API5: variants seen among roughly 807,000 people sequenced by gnomAD.
The protein encoded by API5 is FIF.
API5 carries 6 observed loss-of-function variants against 71.9 expected under a neutral mutation model. The observed-to-expected ratio is 0.08, with a 90% confidence interval of 0.05 to 0.16. API5 has a LOEUF of 0.16. API5 is among the 10% of genes least tolerant of loss of function. API5 has a pLI of 1.00. For synonymous variants in API5, 189 were observed against 221.3 expected, an observed-to-expected ratio of 0.85 and a Z score of 1.30; for missense variants, 332 against 612.8, an observed-to-expected ratio of 0.54 and a Z score of 4.84.
At chr11:43,323,686 A>G (rs777980032) in intron 6 of API5, 50 bp downstream of exon 6, 3 of 1,536,854 alleles carry the variant, frequency 2.0e-6, no homozygotes, top group South Asian at 1.1e-5. Context: ...ATATATTTCC[A>G]TAAATACTCA....
rs376330755 is a variant in API5 at position 43,340,538 on chromosome 11, C to A, written c.1493-1890C>A. ...CACTACCAGATCTCAAAATATAAAT[C>A]AAAAATGTAGTAACCAAAACAGCCT... On this transcript the variant is annotated intron_variant, in intron 13 of 13. Coordinates refer to ENST00000531273, the MANE Select transcript of API5 (RefSeq NM_001142930.2). Among the ~76,000 whole-genome samples the A allele has an allele frequency of 6.4e-4, 98 of 152,092 alleles. No individual in the cohort carries two copies. The South Asian group carries it at 0.015, about 23-fold the overall frequency.
At chr11:43,335,409 C>T in intron 12 of API5, 55 bp downstream of exon 12, 1 of 1,016,266 alleles carries the variant, frequency 9.8e-7, no homozygotes, top group Admixed American at 1.9e-5. Flanking sequence ...ATACGAGTTA[C>T]ATTTACTGTT....
At chr11:43,322,805 A>G (rs1854939558) in intron 5 of API5, among the ~76,000 whole-genome samples, 1 of 152,210 alleles carries the variant, frequency 6.6e-6, no homozygotes, top group African/African-American at 2.4e-5. Flanking sequence ...TTTCAGTGAG[A>G]AAAAAGTAGA....
chr11:43,315,268 C>G (rs1355134425), intron 1 of API5, among the ~76,000 whole-genome samples: 3 of 152,176 alleles, frequency 2.0e-5, no homozygotes, highest in African/African-American at 7.2e-5. Flanking sequence ...CAAAGCAGAT[C>G]AAATCCTCTT....
rs769164825 is a variant in API5 at position 43,336,001 on chromosome 11, G to A, written c.1492+7G>A. ...TTGGGCAACTTTAATTATGGTGAGC[G>A]TTTCCGTTTGGGTACAAGGAATATG... On this transcript the variant is annotated splice_region_variant and intron_variant, in intron 13 of 13. Transcript: ENST00000531273. 1.2e-5 allele frequency: 19 copies of A among 1,613,030 alleles called. No homozygotes were observed. The highest frequency in any genetic ancestry group is 4.5e-5 in the East Asian group (2 of 44,866).
chr11:43,335,379 T>G (rs764637484), intron 12 of API5, 25 bp downstream of exon 12: 1 of 1,445,804 alleles, frequency 6.9e-7, no homozygotes, highest in Non-Finnish European at 9.7e-7. Flanking sequence ...TAAAAGAGAT[T>G]TAAGTGTTAT....
intron 13 of API5, 71 bp downstream of exon 13, chr11:43,336,065 T>G: frequency 6.5e-7 from 1 of 1,545,978 alleles, no homozygotes; most frequent in Non-Finnish European, 8.8e-7. Context: ...TTATTTTAAT[T>G]AGTAATTATA....
intron 2 of API5, among the ~76,000 whole-genome samples, chr11:43,319,149 A>C (rs1183521095): frequency 6.6e-6 from 1 of 152,196 alleles, no homozygotes. Context: ...GGATATTTAA[A>C]TTATTAAGTG....
intron 8 of API5, 54 bp downstream of exon 8, chr11:43,327,932 A>C (rs1352483660): frequency 9.4e-7 from 1 of 1,061,632 alleles, no homozygotes; most frequent in African/African-American, 1.6e-5. Flanking sequence ...TCAAAGTCTA[A>C]TTTATTATTA....
At chr11:43,320,727 T>A in intron 2 of API5, 94 bp from the exon 3 acceptor site, 1 of 1,102,900 alleles carries the variant, frequency 9.1e-7, no homozygotes, top group South Asian at 1.4e-5. Context: ...CAATACCTTG[T>A]CTTTAAAAAA....
chr11:43,326,456 T>A (rs1211984179), intron 6 of API5, 51 bp from the exon 7 acceptor site: 1 of 1,137,854 alleles, frequency 8.8e-7, no homozygotes, highest in African/African-American at 1.5e-5. Context: ...GCTATAATAT[T>A]TGAGCGAATA....
intron 13 of API5, among the ~76,000 whole-genome samples, chr11:43,337,007 CAAA>C (rs559170436): frequency 7.5e-5 from 5 of 66,860 alleles, no homozygotes; most frequent in Non-Finnish European, 8.7e-5. Context: ...GACTCCGTCT[CAAA>C]AAAAAAAAAA....
At chr11:43,340,967 A>G (rs1340775281) in intron 13 of API5, among the ~76,000 whole-genome samples, 1 of 152,196 alleles carries the variant, frequency 6.6e-6, no homozygotes, top group Non-Finnish European at 1.5e-5. Flanking sequence ...CAGCAGAGGA[A>G]ACCATCAACA....
At chr11:43,313,660 A>T (rs1164180683) in intron 1 of API5, among the ~76,000 whole-genome samples, 2 of 152,208 alleles carry the variant, frequency 1.3e-5, no homozygotes, top group African/African-American at 4.8e-5. Context: ...TGAAATAGCA[A>T]ATGATTTTTT....
intron 1 of API5, 25 bp downstream of exon 1, chr11:43,312,221 G>T (rs2134329973): frequency 6.2e-7 from 1 of 1,610,166 alleles, no homozygotes; most frequent in Non-Finnish European, 8.5e-7. Flanking sequence ...CGGGCGGCCT[G>T]CAGGGCCTGG....
intron 2 of API5, 61 bp from the exon 3 acceptor site, chr11:43,320,760 A>T: frequency 3.6e-5 from 45 of 1,263,188 alleles, no homozygotes; most frequent in Non-Finnish European, 4.7e-5. Flanking sequence ...GAAAAGAAAA[A>T]GCTGTTTGTT....
At chr11:43,328,609 A>T in intron 8 of API5, 103 bp from the exon 9 acceptor site, 2 of 1,047,986 alleles carry the variant, frequency 1.9e-6, no homozygotes, top group Non-Finnish European at 2.7e-6. Flanking sequence ...GGTAGTTTTT[A>T]ATGCTCCATG....
At position 43,343,370 on chromosome 11, in the gene API5, A is replaced by C. The variant is rs1281713561; in HGVS notation, c.*860A>C. 6.6e-6 allele frequency: 1 copy of C among 152,370 alleles called. No homozygotes were observed. The highest frequency in any genetic ancestry group is 1.5e-5 in the Non-Finnish European group (1 of 68,026). The allele number at this position is 152,370 out of a possible 1,614,324, so 9.4% of individuals were successfully genotyped here. A position where few individuals can be genotyped will look rare whatever the true frequency, so the allele number is the denominator to read the frequency against. ...TTACTCCCAGTAGCAAGGGATTCTA[A>C]GTTAGTTGCACTTACATGATTATTG... On this transcript the variant is annotated 3_prime_UTR_variant, in exon 14 of 14. Transcript: ENST00000531273.
At chr11:43,312,263 C>A in intron 1 of API5, 67 bp downstream of exon 1, 1 of 1,534,924 alleles carries the variant, frequency 6.5e-7, no homozygotes, top group South Asian at 1.1e-5. Context: ...CGCTTCCCGC[C>A]GCACTCCCCG....
Sources: gnomAD v4.1 joint callset for allele counts (sites outside exome capture counted in the v4.1 genomes callset) on GRCh38, gnomAD v4.1.1 for gene constraint, MANE v1.5 for transcripts, NCBI Gene and HGNC (gene_info 2026-07-23, HGNC 2026-07-21) for gene names.